Variants in IGSF10 observed in about 807,000 individuals in gnomAD.
IGSF10 encodes immunoglobulin superfamily member 10, also known as calvaria mechanical force protein 608.
In IGSF10, 126 loss-of-function variants were observed where a neutral mutation model predicts 128.2. That is an observed-to-expected ratio of 0.98 (90% CI 0.85 to 1.14). IGSF10 has a LOEUF of 1.14. IGSF10 is among the 50% of genes most tolerant of loss of function. The pLI, the probability that IGSF10 is intolerant of heterozygous loss-of-function variation, is 0.00. For missense variants in IGSF10, 3,295 were observed against 3,149.8 expected (o/e 1.05, Z -1.10); for synonymous variants, 1,185 against 1,146.2 (o/e 1.03, Z -0.68).
At chr3:151,609,708 G>A in the IGSF10 span, among the ~76,000 whole-genome samples, 2 of 152,120 alleles carry the variant, frequency 1.3e-5, no homozygotes, top group Non-Finnish European at 2.9e-5. Flanking sequence ...TGCAGCTGGA[G>A]GCAATTACCC....
chr3:151,560,590 G>A, the IGSF10 span, among the ~76,000 whole-genome samples: 1 of 152,112 alleles, frequency 6.6e-6, no homozygotes, highest in Non-Finnish European at 1.5e-5. Flanking sequence ...AGATGAATTA[G>A]AGCCAATGAA....
At chr3:151,489,058 T>A in the IGSF10 span, among the ~76,000 whole-genome samples, 20 of 152,036 alleles carry the variant, frequency 1.3e-4, no homozygotes, top group Non-Finnish European at 2.6e-4. Context: ...TGGGAGAAAA[T>A]TTTTGCAATC....
chr3:151,449,110 T>G lies in IGSF10; in HGVS notation c.871A>C (p.Lys291Gln), dbSNP rs201628074. The part of the protein sequence containing the change: ...KPTIDSSLKS[K>Q]SLTILEDSSS... ...CTGTCTTCCAGAATAGTCAGGCTCTTTGATTTCAGGGATGAGTCAATGGTT... is the reference window on the plus strand; with the variant it reads ...CTGTCTTCCAGAATAGTCAGGCTCTGTGATTTCAGGGATGAGTCAATGGTT... The change falls in exon 6 of 8, where the codon AAG (lysine) becomes CAG (glutamine). Residue 291 changes from lysine to glutamine, a missense_variant. Lys to Gln is a moderately conservative substitution (Grantham distance 53). Coordinates refer to ENST00000282466, the MANE Select transcript of IGSF10 (RefSeq NM_178822.5). 5 of 1,614,038 alleles carry G rather than the reference T, an allele frequency of 3.1e-6. No homozygotes were observed. The highest frequency in any genetic ancestry group is 1.6e-4 in the Middle Eastern group (1 of 6,082).
At chr3:151,458,482 T>G (rs753990882) in intron 3 of IGSF10, 34 bp downstream of exon 3, 1 of 1,542,734 alleles carries the variant, frequency 6.5e-7, no homozygotes, top group Admixed American at 1.8e-5. Context: ...GACTGATCCC[T>G]CTTTGAGAAG....
the IGSF10 span, among the ~76,000 whole-genome samples, chr3:151,505,987 T>C: frequency 6.6e-6 from 1 of 151,270 alleles, no homozygotes; most frequent in African/African-American, 2.4e-5. Context: ...AGTCTCGCTC[T>C]GTTGCCAGGC....
At chr3:151,486,306 C>A in the IGSF10 span, among the ~76,000 whole-genome samples, 2 of 152,070 alleles carry the variant, frequency 1.3e-5, no homozygotes, top group East Asian at 3.9e-4. Flanking sequence ...ACAGGAGCAC[C>A]CAGATACATA....
the IGSF10 span, among the ~76,000 whole-genome samples, chr3:151,557,401 C>T: frequency 6.6e-6 from 1 of 152,066 alleles, no homozygotes; most frequent in Non-Finnish European, 1.5e-5. Context: ...CATCAATTTC[C>T]TTTAGTTGAT....
At chr3:151,536,109 G>A in the IGSF10 span, among the ~76,000 whole-genome samples, 1 of 152,124 alleles carries the variant, frequency 6.6e-6, no homozygotes, top group Non-Finnish European at 1.5e-5. Flanking sequence ...AGTCCTAGGG[G>A]GATTAAGGGG....
Position 151,448,395 on chromosome 3 carries a change from A to C in IGSF10, c.1586T>G (p.Leu529Arg), listed in dbSNP as rs780770651. ...APYVSEDGRI[L>R]IDKSGKLELQ... is the part of the protein sequence containing the mutation. ...TTCCAATTTTCCACTTTTGTCTATTAGGATCCGTCCATCCTCACTGACATA... is the reference window on the plus strand; with the variant it reads ...TTCCAATTTTCCACTTTTGTCTATTCGGATCCGTCCATCCTCACTGACATA... Residue 529 changes from leucine (L) to arginine (R), a missense_variant, in exon 6 of 8, where the codon CTA becomes CGA. Physicochemically the swap from Leu to Arg is moderately radical, Grantham distance 102. Coordinates refer to ENST00000282466, the MANE Select transcript of IGSF10 (RefSeq NM_178822.5). The C allele has an allele frequency of 1.9e-6, 3 of 1,614,228 alleles. 1 individual carries two copies. In the South Asian group the frequency reaches 3.3e-5, roughly 18 times the overall value.
chr3:151,443,558 C>T lies in IGSF10; in HGVS notation c.5389G>A (p.Ala1797Thr), dbSNP rs748531155. ...VSESSQGSRQ[A>T]VVTVDGTLVL... The stretch of plus-strand genomic sequence containing the variant: ...AATGTTCCGTCAACCGTCACCACAG[C>T]CTGCCTACTTCCCTGGGATGATTCT... The change falls in exon 7 of 8, where the codon GCT (alanine) becomes ACT (threonine). Residue 1797 changes from alanine (A) to threonine (T), a missense_variant. Ala to Thr is a moderately conservative substitution (Grantham distance 58). Transcript: ENST00000282466. 1 of 1,614,242 alleles carries T rather than the reference C, an allele frequency of 6.2e-7. No homozygotes were observed.
chr3:151,441,869 G>T (rs900718287), intron 7 of IGSF10, among the ~76,000 whole-genome samples: 1 of 152,136 alleles, frequency 6.6e-6, no homozygotes, highest in Admixed American at 6.5e-5. Flanking sequence ...AGACCATCCT[G>T]GCTAACATGG....
the IGSF10 span, among the ~76,000 whole-genome samples, chr3:151,558,119 G>A: frequency 2.1e-5 from 3 of 146,102 alleles, no homozygotes; most frequent in Admixed American, 7.0e-5. Context: ...TAATCTTTAC[G>A]TACAGTCACA....
intron 7 of IGSF10, among the ~76,000 whole-genome samples, chr3:151,442,221 A>C (rs905209143): frequency 6.6e-6 from 1 of 152,152 alleles, no homozygotes; most frequent in Non-Finnish European, 1.5e-5. Flanking sequence ...TTTAGGAAAG[A>C]AAAAATTAAG....
intron 7 of IGSF10, among the ~76,000 whole-genome samples, chr3:151,440,397 T>A (rs1479812402): frequency 2.0e-5 from 3 of 151,964 alleles, no homozygotes; most frequent in Non-Finnish European, 4.4e-5. Flanking sequence ...TTAGAGAAAA[T>A]TTTTTTTTCC....
the IGSF10 span, among the ~76,000 whole-genome samples, chr3:151,578,764 A>G: frequency 6.6e-6 from 1 of 152,224 alleles, no homozygotes; most frequent in Non-Finnish European, 1.5e-5. Context: ...AGCTAGGAGA[A>G]GAAATAGAAA....
At chr3:151,603,170 C>T in the IGSF10 span, among the ~76,000 whole-genome samples, 3 of 152,306 alleles carry the variant, frequency 2.0e-5, no homozygotes, top group South Asian at 6.2e-4. Flanking sequence ...TTTACTTACT[C>T]TTCTCACCAG....
At chr3:151,473,422 A>T in the IGSF10 span, among the ~76,000 whole-genome samples, 1 of 152,322 alleles carries the variant, frequency 6.6e-6, no homozygotes, top group Middle Eastern at 3.4e-3. Context: ...TCAATCGATA[A>T]CTTGATCATT....
chr3:151,437,565 T>A lies in IGSF10; in HGVS notation c.6996A>T (p.Glu2332Asp), dbSNP rs757893249. 1.9e-6 allele frequency: 3 copies of A among 1,614,234 alleles called. No individual in the cohort carries two copies. In the South Asian group the frequency reaches 3.3e-5, roughly 18 times the overall value. ...TTCTAAATGTCGGTCTTCTCAGCATTTCCAGTACTTCTAACTGTACTACCA... is the reference window on the plus strand; with the variant it reads ...TTCTAAATGTCGGTCTTCTCAGCATATCCAGTACTTCTAACTGTACTACCA... Reference protein sequence around the residue: ...SVLVVQLEVLEMLRRPTFRNP... With the variant: ...SVLVVQLEVLDMLRRPTFRNP... The change falls in exon 8 of 8, where the codon GAA (glutamate) becomes GAT (aspartate). Residue 2332 changes from glutamate to aspartate, a missense_variant. Physicochemically the swap from Glu to Asp is conservative, Grantham distance 45. Transcript: ENST00000282466.
At chr3:151,463,124 G>A (rs1196532409), upstream of IGSF10, among the ~76,000 whole-genome samples, 1 of 152,186 alleles carries the variant, frequency 6.6e-6, no homozygotes, top group African/African-American at 2.4e-5. Context: ...GTGAACTCCT[G>A]ATAGGAATGT....
Sources: gnomAD v4.1 joint callset for allele counts (sites outside exome capture counted in the v4.1 genomes callset) on GRCh38, gnomAD v4.1.1 for gene constraint, MANE v1.5 for transcripts, NCBI Gene and HGNC (gene_info 2026-07-23, HGNC 2026-07-21) for gene names.